TRAF3IP1: variants seen among roughly 807,000 people sequenced by gnomAD.
TRAF3IP1 encodes the protein TRAF3-interacting protein 1.
Under a neutral mutation model 89.9 loss-of-function variants are expected in TRAF3IP1, and 53 were observed. That is an observed-to-expected ratio of 0.59 (90% confidence interval 0.47 to 0.74). The LOEUF (loss-of-function observed/expected upper bound fraction) is 0.74, where lower values mean the gene tolerates loss of function less well. Among genes scored for constraint, TRAF3IP1 ranks in the 30% least tolerant of loss-of-function variants. The pLI, the probability that TRAF3IP1 is intolerant of heterozygous loss-of-function variation, is 0.00. For missense variants in TRAF3IP1, 806 were observed against 866.1 expected (o/e 0.93, Z 0.87); for synonymous variants, 311 against 322.1 (o/e 0.97, Z 0.37).
intron 1 of TRAF3IP1, among the ~76,000 whole-genome samples, chr2:238,322,203 G>A (rs1697585354): frequency 6.6e-6 from 1 of 152,256 alleles, no homozygotes; most frequent in African/African-American, 2.4e-5. Context: ...GCCAGTGTGA[G>A]CCCAGCCCAC....
At position 238,345,930 on chromosome 2, in the gene TRAF3IP1, TG is replaced by T. The variant is rs1698872507; in HGVS notation, c.1261+1334del. On this transcript the variant is annotated intron_variant, in intron 9 of 16. Transcript: ENST00000373327. This position sits in a 1 kb window ranked among gnomAD's most constrained non-coding sequence, Gnocchi z 4.7. ...GCCTTGGGTTCTGGGTAACGGGGACTGGAAGTATCCATTGAAAGGTAGAGAG... is the reference window on the plus strand; with the variant it reads ...GCCTTGGGTTCTGGGTAACGGGGACTGAAGTATCCATTGAAAGGTAGAGAG... 6.6e-6 allele frequency among the ~76,000 whole-genome samples: 1 copy of T among 152,126 alleles called. No homozygotes were observed. The highest frequency in any genetic ancestry group is 1.5e-5 in the Non-Finnish European group (1 of 68,010).
intron 15 of TRAF3IP1, among the ~76,000 whole-genome samples, chr2:238,387,816 C>A (rs1192823759): frequency 6.6e-6 from 1 of 152,228 alleles, no homozygotes; most frequent in African/African-American, 2.4e-5. Context: ...CATGATGGCT[C>A]ATGCCTGTAA....
intron 5 of TRAF3IP1, among the ~76,000 whole-genome samples, chr2:238,331,544 A>G (rs1292943179): frequency 2.6e-5 from 4 of 152,214 alleles, no homozygotes; most frequent in Admixed American, 6.5e-5. Context: ...AGCCAAGTAT[A>G]ATGGTGGTTT....
chr2:238,344,457 G>C (rs2106386087), intron 8 of TRAF3IP1, 40 bp from the exon 9 acceptor site: 1 of 1,523,932 alleles, frequency 6.6e-7, no homozygotes, highest in East Asian at 2.2e-5. Flanking sequence ...GCCCTTTGGT[G>C]TACAGTCTTA....
chr2:238,327,490 G>A (rs1697897370), intron 3 of TRAF3IP1, among the ~76,000 whole-genome samples: 1 of 152,174 alleles, frequency 6.6e-6, no homozygotes, highest in Non-Finnish European at 1.5e-5. Flanking sequence ...CCTGCACTCT[G>A]GATGGCTGTC....
chr2:238,335,116 C>G (rs1454020960), intron 7 of TRAF3IP1, among the ~76,000 whole-genome samples: 1 of 152,140 alleles, frequency 6.6e-6, no homozygotes, highest in Non-Finnish European at 1.5e-5. Context: ...ATGAGTGTTT[C>G]TTTTTCAGTT....
chr2:238,382,796 G>A (rs1441867288), intron 15 of TRAF3IP1, among the ~76,000 whole-genome samples: 1 of 148,464 alleles, frequency 6.7e-6, no homozygotes, highest in Non-Finnish European at 1.5e-5. Context: ...CAAGAAGCCT[G>A]CATGCTTCTC....
At chr2:238,339,430 G>C (rs1353507798) in intron 8 of TRAF3IP1, among the ~76,000 whole-genome samples, 1 of 152,182 alleles carries the variant, frequency 6.6e-6, no homozygotes, top group African/African-American at 2.4e-5. Flanking sequence ...CTTTTTGTGG[G>C]AGCTTTCCTC....
At chr2:238,354,094 A>G (rs1699298458) in intron 14 of TRAF3IP1, among the ~76,000 whole-genome samples, 1 of 152,164 alleles carries the variant, frequency 6.6e-6, no homozygotes. Context: ...TTTTTAACAT[A>G]GTGGATGTGT....
chr2:238,332,672 A>G (rs1698185619), intron 5 of TRAF3IP1, 152 bp from the exon 6 acceptor site: 2 of 614,782 alleles, frequency 3.3e-6, no homozygotes, highest in African/African-American at 1.9e-5. Flanking sequence ...AGCAGTAACA[A>G]TTGTGGCGAT....
In TRAF3IP1 at chr2:238,342,666, C is replaced by T. The variant is rs550528873; in HGVS notation, c.1160-1831C>T. On this transcript the variant is annotated intron_variant, in intron 8 of 16. Transcript: ENST00000373327. ...TCTTCTAAAGTTGAGCATCTACAAC[C>T]GCCAAACTTATGTTTATTTTTAGAT... Among the ~76,000 whole-genome samples, 28 of 152,046 alleles carry T rather than the reference C, an allele frequency of 1.8e-4. No homozygotes were observed. The South Asian group carries it at 3.3e-3, about 18-fold the overall frequency.
In TRAF3IP1 at chr2:238,329,168, G is replaced by C. The variant is rs1450465169; in HGVS notation, c.741G>C (p.Lys247Asn). ...RERDRDSERK[K>N]ETERKSEGGK... ...GGGACAGAGACTCCGAGCGCAAGAA[G>C]GAGACAGAGAGAAAGAGTGAGGGGG... The change falls in exon 5 of 17, where the codon AAG becomes AAC. Residue 247 changes from lysine (K) to asparagine (N), a missense_variant. Lys to Asn is a moderately conservative substitution (Grantham distance 94). Transcript: ENST00000373327. The C allele has an allele frequency of 1.9e-6, 3 of 1,561,086 alleles. No homozygotes were observed. Among genetic ancestry groups the C allele is most frequent in the Admixed American group, 4.1e-5 (2 of 48,570 alleles).
At chr2:238,322,262 A>G (rs541797526) in intron 1 of TRAF3IP1, among the ~76,000 whole-genome samples, 127 of 152,284 alleles carry the variant, frequency 8.3e-4, no homozygotes, top group African/African-American at 3.0e-3. Context: ...TGTCTGTCCC[A>G]CTGAAATGCA....
chr2:238,392,116 C>T (rs1701017006), intron 15 of TRAF3IP1, among the ~76,000 whole-genome samples: 1 of 152,246 alleles, frequency 6.6e-6, no homozygotes, highest in South Asian at 2.1e-4. Flanking sequence ...GTGCCTGTAG[C>T]CCCAGCTACT....
At chr2:238,381,384 G>GGA (rs2106364653) in intron 15 of TRAF3IP1, among the ~76,000 whole-genome samples, 1 of 152,334 alleles carries the variant, frequency 6.6e-6, no homozygotes, top group South Asian at 2.1e-4. Flanking sequence ...TGACACCCTT[G>GGA]GAGGGGGCCA....
intron 14 of TRAF3IP1, among the ~76,000 whole-genome samples, chr2:238,354,236 C>G (rs908386077): frequency 2.0e-5 from 3 of 152,176 alleles, no homozygotes; most frequent in South Asian, 2.1e-4. Context: ...TCCTTGTTTT[C>G]TGATACGACA....
intron 12 of TRAF3IP1, 49 bp downstream of exon 12, chr2:238,349,457 G>A: frequency 6.4e-7 from 1 of 1,561,374 alleles, no homozygotes; most frequent in Non-Finnish European, 8.8e-7. Context: ...GTGTTCTCCA[G>A]TGGGCATGGT....
At chr2:238,342,961 A>C in intron 8 of TRAF3IP1, among the ~76,000 whole-genome samples, 1 of 152,178 alleles carries the variant, frequency 6.6e-6, no homozygotes, top group East Asian at 1.9e-4. Context: ...GAAAGGGAAC[A>C]TTTTACAATT....
intron 15 of TRAF3IP1, among the ~76,000 whole-genome samples, chr2:238,377,412 C>A (rs1700366671): frequency 6.6e-6 from 1 of 151,554 alleles, no homozygotes; most frequent in African/African-American, 2.4e-5. Context: ...TAGGTTCCCC[C>A]CCCACTGTGG....
Sources: gnomAD v4.1 joint callset for allele counts (sites outside exome capture counted in the v4.1 genomes callset) on GRCh38, gnomAD v4.1.1 for gene constraint, Gnocchi (gnomAD v3.1) non-coding constraint, MANE v1.5 for transcripts, NCBI Gene and HGNC (gene_info 2026-07-23, HGNC 2026-07-21) for gene names.